Variants in PTPRG observed in about 807,000 individuals in gnomAD.
The protein encoded by PTPRG is receptor-type tyrosine-protein phosphatase gamma.
In PTPRG, 102 loss-of-function variants were observed where a neutral mutation model predicts 165.3. The observed-to-expected ratio is 0.62, with a 90% CI of 0.53 to 0.73. PTPRG has a LOEUF of 0.73. Ranked by LOEUF, PTPRG falls within the 30% of genes least tolerant of loss-of-function variation. The pLI, the probability that PTPRG is intolerant of heterozygous loss-of-function variation, is 0.00. For missense variants in PTPRG, 1,866 were observed against 1,861.4 expected (o/e 1.00, Z -0.05); for synonymous variants, 675 against 669.5 (o/e 1.01, Z -0.13).
intron 2 of PTPRG, among the ~76,000 whole-genome samples, chr3:61,908,037 C>A (rs1320527771): frequency 1.4e-5 from 2 of 144,684 alleles, no homozygotes; most frequent in East Asian, 4.2e-4. Context: ...AAGAGGATGG[C>A]TTGAGCCCAA....
At chr3:62,288,834 G>C (rs1702769249) in intron 28 of PTPRG, among the ~76,000 whole-genome samples, 1 of 152,054 alleles carries the variant, frequency 6.6e-6, no homozygotes, top group Non-Finnish European at 1.5e-5. Context: ...AATGAGAATG[G>C]CCATGAGCTG....
chr3:62,192,853 C>T (rs1443254971), intron 9 of PTPRG, among the ~76,000 whole-genome samples: 7 of 152,174 alleles, frequency 4.6e-5, no homozygotes, highest in African/African-American at 1.7e-4. Flanking sequence ...TGCAGTAGCA[C>T]CAAGTGGGAT....
chr3:61,965,785 G>A (rs1166759963), intron 2 of PTPRG, among the ~76,000 whole-genome samples: 1 of 152,210 alleles, frequency 6.6e-6, no homozygotes, highest in Non-Finnish European at 1.5e-5. Flanking sequence ...TTCTCATTTT[G>A]TAAACAAGGA....
intron 2 of PTPRG, among the ~76,000 whole-genome samples, chr3:61,941,322 A>T (rs537580861): frequency 7.9e-5 from 12 of 152,364 alleles, no homozygotes; most frequent in Non-Finnish European, 1.3e-4. Context: ...TCAGATGATC[A>T]GTTAAGAGGT....
chr3:61,739,105 AT>A (rs1250618082), intron 1 of PTPRG: 4 of 139,158 alleles, frequency 2.9e-5, no homozygotes, highest in Middle Eastern at 3.8e-3. Flanking sequence ...GACTTGGCCT[AT>A]TTGAAAAAAA....
intron 1 of PTPRG, among the ~76,000 whole-genome samples, chr3:61,598,237 A>AGG: frequency 6.6e-6 from 1 of 152,204 alleles, no homozygotes; most frequent in South Asian, 2.1e-4. Context: ...TAAGCAGCTC[A>AGG]CTGTCTGGCT....
intron 2 of PTPRG, among the ~76,000 whole-genome samples, chr3:61,901,421 T>C (rs1270691783): frequency 6.6e-6 from 1 of 152,222 alleles, no homozygotes; most frequent in Non-Finnish European, 1.5e-5. Context: ...TATTGACTGC[T>C]GATGCTAAGA....
intron 1 of PTPRG, among the ~76,000 whole-genome samples, chr3:61,667,626 C>T (rs1442913905): frequency 2.0e-5 from 3 of 152,022 alleles, no homozygotes; most frequent in African/African-American, 7.3e-5. Flanking sequence ...AAGGCAAAGT[C>T]GACTGCCCAG....
Position 61,775,332 on chromosome 3 carries a change from A to G in PTPRG, c.190+26350A>G, listed in dbSNP as rs138765358. Among the ~76,000 whole-genome samples the G allele has an allele frequency of 5.9e-5, 9 of 152,238 alleles. No individual in the cohort carries two copies. The East Asian group carries it at 1.7e-3, about 29-fold the overall frequency. On this transcript the variant is annotated intron_variant, in intron 2 of 29. Transcript: ENST00000474889. ...GTCATCTGCCCACTTTGGCCTCCCA[A>G]AGTGCTGGGATTATAGGCATGAGGC...
chr3:62,196,126 G>A (rs1447952006), intron 10 of PTPRG, among the ~76,000 whole-genome samples: 1 of 151,964 alleles, frequency 6.6e-6, no homozygotes, highest in Non-Finnish European at 1.5e-5. Flanking sequence ...GCTGAGTGCG[G>A]TGGCTCACAC....
intron 1 of PTPRG, among the ~76,000 whole-genome samples, chr3:61,719,173 A>G (rs745634516): frequency 2.0e-5 from 3 of 152,232 alleles, no homozygotes; most frequent in Admixed American, 1.3e-4. Context: ...CGATCTTACA[A>G]TGGAGAGAGA....
chr3:61,825,489 A>G (rs1158347012), intron 2 of PTPRG, among the ~76,000 whole-genome samples: 3 of 152,238 alleles, frequency 2.0e-5, no homozygotes, highest in African/African-American at 7.2e-5. Context: ...TGGTTTTACA[A>G]TGCGTATCAT....
intron 1 of PTPRG, among the ~76,000 whole-genome samples, chr3:61,694,651 C>T (rs1441097554): frequency 6.6e-6 from 1 of 152,188 alleles, no homozygotes; most frequent in Non-Finnish European, 1.5e-5. Flanking sequence ...AAACTTAAAA[C>T]ATCCTAGATA....
At chr3:62,038,543 C>T (rs932161486) in intron 4 of PTPRG, among the ~76,000 whole-genome samples, 9 of 152,138 alleles carry the variant, frequency 5.9e-5, no homozygotes, top group Non-Finnish European at 1.0e-4. Flanking sequence ...GGCCATAGGC[C>T]CATGCCACCA....
At chr3:61,641,306 AGATGAAG>A (rs1295142531) in intron 1 of PTPRG, among the ~76,000 whole-genome samples, 1 of 152,212 alleles carries the variant, frequency 6.6e-6, no homozygotes, top group African/African-American at 2.4e-5. Flanking sequence ...GAATGGAAAC[AGATGAAG>A]TCCCTGTCCT....
chr3:61,977,646 A>G (rs1466750050), intron 2 of PTPRG, among the ~76,000 whole-genome samples: 2 of 151,890 alleles, frequency 1.3e-5, no homozygotes, highest in South Asian at 2.1e-4. Flanking sequence ...TTTGAAATTT[A>G]TATGGTTTTT....
At position 62,214,553 on chromosome 3, in the gene PTPRG, C is replaced by T. The variant is rs902326270; in HGVS notation, c.2156-4298C>T. 6.6e-6 allele frequency among the ~76,000 whole-genome samples: 1 copy of T among 152,220 alleles called. No individual in the cohort carries two copies. Among genetic ancestry groups the T allele is most frequent in the Non-Finnish European group, 1.5e-5 (1 of 68,048 alleles). On this transcript the variant is annotated intron_variant, in intron 12 of 29. Transcript: ENST00000474889. This position sits in a 1 kb window ranked among gnomAD's most constrained non-coding sequence, Gnocchi z 5.2. ...GCTAGTAGGAGGCAGAGCTTTGTAA[C>T]TGTTCTTCCATACACAGACGGAAAT...
At chr3:62,260,483 G>A (rs548406339) in intron 16 of PTPRG, among the ~76,000 whole-genome samples, 2 of 152,138 alleles carry the variant, frequency 1.3e-5, no homozygotes, top group Admixed American at 6.5e-5. Flanking sequence ...TTCAGTCTTC[G>A]ATTTTTTGCT....
chr3:61,656,785 G>T (rs576820032), intron 1 of PTPRG, among the ~76,000 whole-genome samples: 2 of 152,244 alleles, frequency 1.3e-5, no homozygotes. Context: ...ACATCCTTTA[G>T]TTGTTTTCGA....
Sources: allele counts gnomAD v4.1 joint callset (sites outside exome capture counted in the v4.1 genomes callset), GRCh38; gene constraint gnomAD v4.1.1; non-coding constraint Gnocchi (gnomAD v3.1); transcripts MANE v1.5; gene names NCBI Gene and HGNC (gene_info 2026-07-23, HGNC 2026-07-21).